The following SYNGR4 variants were observed in gnomAD, a reference collection of about 807,000 sequenced individuals.
SYNGR4 encodes synaptogyrin 4.
In SYNGR4, 15 loss-of-function variants were observed where a neutral mutation model predicts 15.5. The observed-to-expected ratio is 0.97, with a 90% CI of 0.65 to 1.49. SYNGR4 has a LOEUF of 1.49. Ranked by LOEUF, SYNGR4 falls within the 40% of genes most tolerant of loss-of-function variation. The pLI, the probability that SYNGR4 is intolerant of heterozygous loss-of-function variation, is 0.00. For synonymous variants in SYNGR4, 121 were observed against 127.4 expected, an observed-to-expected ratio of 0.95 and a Z score of 0.34; for missense variants, 292 against 299.3, an observed-to-expected ratio of 0.98 and a Z score of 0.18.
chr19:48,369,441 C>A (rs2071058269), intron 2 of SYNGR4, among the ~76,000 whole-genome samples: 1 of 152,172 alleles, frequency 6.6e-6, no homozygotes, highest in South Asian at 2.1e-4. Context: ...AGATTCCAAT[C>A]CCCCTTTCAC....
chr19:48,375,839 C>T (rs2147412975), intron 4 of SYNGR4, 87 bp downstream of exon 4: 1 of 1,554,126 alleles, frequency 6.4e-7, no homozygotes, highest in African/African-American at 1.4e-5. Flanking sequence ...CCTGCTCTCA[C>T]TTAGCTCCCC....
chr19:48,367,217 G>A (rs192072758), intron 2 of SYNGR4, among the ~76,000 whole-genome samples: 182 of 152,014 alleles, frequency 1.2e-3, no homozygotes, highest in African/African-American at 4.1e-3. Flanking sequence ...CGGATCGTGA[G>A]GTGAGGAGAT....
At chr19:48,370,354 G>A (rs116983789) in intron 2 of SYNGR4, among the ~76,000 whole-genome samples, 5,989 of 152,052 alleles carry the variant, frequency 0.039, 185 homozygotes, top group Admixed American at 0.07. Flanking sequence ...ATGGTATTTC[G>A]CACTTGTAGT....
Position 48,375,656 on chromosome 19 carries a change from C to T in SYNGR4, c.375C>T (p.Ala125=). Reference sequence around the variant, plus strand: ...GGTTCATGGGTTTCTGCTTCCTGGCCAACCAATGGCAGCATTCGCCGCCCA... The same window carrying T: ...GGTTCATGGGTTTCTGCTTCCTGGCTAACCAATGGCAGCATTCGCCGCCCA... ...VVWFMGFCFL[A]NQWQHSPPKE... Residue 125 remains alanine, a synonymous_variant, in exon 4 of 5, where the codon GCC becomes GCT. Coordinates refer to ENST00000344846, the MANE Select transcript of SYNGR4 (RefSeq NM_012451.4). The T allele has an allele frequency of 1.2e-6, 2 of 1,614,010 alleles. No individual in the cohort carries two copies. Among genetic ancestry groups the T allele is most frequent in the Non-Finnish European group, 1.7e-6 (2 of 1,179,948 alleles).
intron 4 of SYNGR4, 112 bp downstream of exon 4, chr19:48,375,864 CG>C (rs1970394256): frequency 1.2e-5 from 19 of 1,529,814 alleles, no homozygotes; most frequent in Non-Finnish European, 1.7e-5. Context: ...GGTCAGGGGT[CG>C]GGGGTTCCCC....
rs1299061419 is a variant in SYNGR4 at position 48,373,684 on chromosome 19, C to T, written c.261C>T (p.Asp87=). The change falls in exon 3 of 5, where the codon GAC becomes GAT. Residue 87 remains aspartate (D), a synonymous_variant. Transcript: ENST00000344846. ...FLSCLAFLVL[D]TQETRIAGTR... is the part of the protein sequence containing the mutation. ...GCTGCCTGGCCTTCCTCGTCCTGGA[C>T]ACACAGGAGACCCGCATTGCCGGCA... 3 of 1,613,890 alleles carry T rather than the reference C, an allele frequency of 1.9e-6. No individual in the cohort carries two copies.
At chr19:48,372,038 C>G (rs546973473) in intron 2 of SYNGR4, among the ~76,000 whole-genome samples, 1 of 151,710 alleles carries the variant, frequency 6.6e-6, no homozygotes, top group East Asian at 2.0e-4. Flanking sequence ...CACCACCACA[C>G]CCAGCTATTT....
chr19:48,366,349 C>T (rs1317703657), intron 2 of SYNGR4, among the ~76,000 whole-genome samples: 1 of 149,864 alleles, frequency 6.7e-6, no homozygotes, highest in African/African-American at 2.5e-5. Context: ...GAGATCATAC[C>T]ACTGCACTCC....
At chr19:48,367,207 C>T (rs1367168269) in intron 2 of SYNGR4, among the ~76,000 whole-genome samples, 9 of 150,756 alleles carry the variant, frequency 6.0e-5, no homozygotes, top group African/African-American at 1.5e-4. Context: ...CCGAGGCGGG[C>T]GGATCGTGAG....
At chr19:48,375,442 G>C (rs567951905) in intron 3 of SYNGR4, among the ~76,000 whole-genome samples, 171 bp from the exon 4 acceptor site, 2 of 152,232 alleles carry the variant, frequency 1.3e-5, no homozygotes, top group East Asian at 3.9e-4. Flanking sequence ...GGAGGGACTG[G>C]GGAATGACTT....
At chr19:48,364,271 T>TGAGTAGGCGGAAA (rs1281048822), upstream of SYNGR4, 7 of 357,166 alleles carry the variant, frequency 2.0e-5, no homozygotes, top group Non-Finnish European at 3.1e-5. Flanking sequence ...TGTCAGCTCC[T>TGAGTAGGCGGAAA]GAGTAGGCGG....
At chr19:48,370,612 T>C (rs1970289477) in intron 2 of SYNGR4, among the ~76,000 whole-genome samples, 1 of 152,042 alleles carries the variant, frequency 6.6e-6, no homozygotes, top group African/African-American at 2.4e-5. Context: ...CAGGCTGGAG[T>C]GCAGTGGTGC....
At chr19:48,374,931 G>A (rs181216553) in intron 3 of SYNGR4, among the ~76,000 whole-genome samples, 10 of 151,080 alleles carry the variant, frequency 6.6e-5, no homozygotes, top group African/African-American at 2.4e-4. Flanking sequence ...AGCTGAGATT[G>A]CGCCATGGCA....
At chr19:48,367,449 A>C (rs2147402259) in intron 2 of SYNGR4, among the ~76,000 whole-genome samples, 1 of 151,806 alleles carries the variant, frequency 6.6e-6, no homozygotes, top group African/African-American at 2.4e-5. Flanking sequence ...AAAAAAAATT[A>C]GTGCAGATAT....
Position 48,365,813 on chromosome 19 carries a change from T to C in SYNGR4, c.-30T>C. 1 of 1,611,774 alleles carries C rather than the reference T, an allele frequency of 6.2e-7. No homozygotes were observed. Among genetic ancestry groups the C allele is most frequent in the Non-Finnish European group, 8.5e-7 (1 of 1,179,170 alleles). ...AGCGCCCAGCACCCTGGCTCCCACC[T>C]CCCAGTGGCCCCAAAGGAAAACAGC... On this transcript the variant is annotated 5_prime_UTR_variant, in exon 2 of 5. Coordinates refer to ENST00000344846, the MANE Select transcript of SYNGR4 (RefSeq NM_012451.4).
At chr19:48,373,414 G>A in intron 2 of SYNGR4, 103 bp from the exon 3 acceptor site, 9 of 973,120 alleles carry the variant, frequency 9.2e-6, no homozygotes, top group South Asian at 5.7e-5. Flanking sequence ...AGGTCCAGAC[G>A]GACCAGTGAC....
intron 2 of SYNGR4, among the ~76,000 whole-genome samples, chr19:48,370,952 C>T (rs1445618273): frequency 6.6e-6 from 1 of 152,184 alleles, no homozygotes; most frequent in African/African-American, 2.4e-5. Context: ...AGCCACGTGA[C>T]CCCAGAGGGC....
Position 48,364,509 on chromosome 19 carries a change from C to T in SYNGR4, c.-136C>T, listed in dbSNP as rs1357603987. On this transcript the variant is annotated 5_prime_UTR_variant, in exon 1 of 5. Coordinates refer to ENST00000344846, the MANE Select transcript of SYNGR4 (RefSeq NM_012451.4). ...AACCTCAGCACTGCCATTCCAGGTC[C>T]TTAAAGGGGAGACCGCGATTCTAAG... 6.6e-6 allele frequency: 1 copy of T among 152,542 alleles called. No homozygotes were observed. The highest frequency in any genetic ancestry group is 1.5e-5 in the Non-Finnish European group (1 of 68,130). 9.4% of individuals were successfully genotyped at this position (152,542 alleles called of 1,614,324 possible).
chr19:48,376,164 G>A lies in SYNGR4; in HGVS notation c.551G>A (p.Gly184Asp), dbSNP rs374206394. The part of the protein sequence containing the change: ...VPYKRFLDEG[G>D]MVLTTLPLPS... ...TACAAGCGCTTCCTGGATGAGGGTG[G>A]CATGGTGCTGACCACCCTCCCCTTG... Residue 184 changes from glycine (G) to aspartate (D), a missense_variant, in exon 5 of 5, where the codon GGC (glycine) becomes GAC (aspartate). Gly to Asp is a moderately conservative substitution (Grantham distance 94). Coordinates refer to ENST00000344846, the MANE Select transcript of SYNGR4 (RefSeq NM_012451.4). The A allele has an allele frequency of 2.3e-5, 37 of 1,614,026 alleles. No homozygotes were observed. The highest frequency in any genetic ancestry group is 3.1e-5 in the Non-Finnish European group (36 of 1,180,008).
Sources: allele counts gnomAD v4.1 joint callset (sites outside exome capture counted in the v4.1 genomes callset), GRCh38; gene constraint gnomAD v4.1.1; transcripts MANE v1.5; gene names NCBI Gene and HGNC (gene_info 2026-07-23, HGNC 2026-07-21).